Variants in HMCN2 observed in about 807,000 individuals in gnomAD.
The protein encoded by HMCN2 is hemicentin-2.
A neutral mutation model predicts 377.5 loss-of-function variants in HMCN2; 325 were observed. The ratio of observed to expected loss-of-function variants is 0.86; its 90% confidence interval spans 0.79 to 0.94. The LOEUF is 0.94. Among genes scored for constraint, HMCN2 ranks in the 40% least tolerant of loss-of-function variants. The pLI is 0.00. For missense variants in HMCN2, 4,543 were observed against 4,725.3 expected (o/e 0.96, Z 1.13); for synonymous variants, 2,007 against 2,046.8 (o/e 0.98, Z 0.53).
Position 130,368,265 on chromosome 9 carries a change from C to T in HMCN2, c.6626-11C>T, listed in dbSNP as rs1228424489. ...GCCCTGGACCAGGAGTTTCTTTTTT[C>T]CTGCACCCAGGTCAACCCCTCCCCG... On this transcript the variant is annotated splice_polypyrimidine_tract_variant and intron_variant, in intron 43 of 97. Transcript: ENST00000683500. The T allele has an allele frequency of 1.0e-6, 1 of 985,384 alleles. No homozygotes were observed. Among genetic ancestry groups the T allele is most frequent in the African/African-American group, 1.7e-5 (1 of 57,170 alleles). The allele number at this position is 985,384 out of a possible 1,614,324, so 61.0% of individuals were successfully genotyped here.
Position 130,307,444 on chromosome 9 carries a change from C to T in HMCN2, c.2087-9C>T. Reference sequence around the variant, plus strand: ...TTGGTCCCAAATTCTGCATCTCTTCCCCACACAGACCCACCGTCGGTCTCT... The same window carrying T: ...TTGGTCCCAAATTCTGCATCTCTTCTCCACACAGACCCACCGTCGGTCTCT... On this transcript the variant is annotated splice_polypyrimidine_tract_variant and intron_variant, in intron 13 of 97. Transcript: ENST00000683500. 2.1e-6 allele frequency: 1 copy of T among 470,888 alleles called. No individual in the cohort carries two copies. The allele number at this position is 470,888 out of a possible 1,614,324, so 29.2% of individuals were successfully genotyped here. A position where few individuals can be genotyped will look rare whatever the true frequency, so the allele number is the denominator to read the frequency against.
At chr9:130,271,763 G>C (rs1487893896) in intron 1 of HMCN2, among the ~76,000 whole-genome samples, 1 of 148,922 alleles carries the variant, frequency 6.7e-6, no homozygotes, top group Non-Finnish European at 1.5e-5. Context: ...TGTTGGTACT[G>C]AGGTGCTGTT....
rs372101522 is a variant in HMCN2, at chr9:130,358,413, C to T, written c.5604C>T (p.Asp1868=). The change falls in exon 36 of 98, where the codon GAC becomes GAT. Residue 1868 remains aspartate, a synonymous_variant. Coordinates refer to ENST00000683500, the MANE Select transcript of HMCN2 (RefSeq NM_001291815.2). ...NLQIEKVDLR[D]EGIYTCAATN... ...AGATTGAGAAGGTGGACCTGAGGGA[C>T]GAGGGCATCTACACTTGTGCTGCTA... 1.0e-5 allele frequency: 13 copies of T among 1,304,164 alleles called. No homozygotes were observed. Among genetic ancestry groups the T allele is most frequent in the East Asian group, 5.5e-5 (1 of 18,034 alleles). The allele number at this position is 1,304,164 out of a possible 1,614,324, so 80.8% of individuals were successfully genotyped here.
At chr9:130,332,097 C>T (rs1838461321) in intron 22 of HMCN2, among the ~76,000 whole-genome samples, 1 of 152,174 alleles carries the variant, frequency 6.6e-6, no homozygotes, top group Non-Finnish European at 1.5e-5. Context: ...TCACTGCTCT[C>T]TGCAAGCCAG....
intron 15 of HMCN2, among the ~76,000 whole-genome samples, chr9:130,313,666 C>T (rs1588226661): frequency 2.6e-5 from 4 of 151,868 alleles, no homozygotes; most frequent in South Asian, 2.1e-4. Flanking sequence ...TGGGGCGACT[C>T]GTCACATGGC....
At position 130,433,399 on chromosome 9, in the gene HMCN2, G is replaced by C. The variant is rs549817254; in HGVS notation, c.14946G>C (p.Thr4982=). Residue 4982 remains threonine (T), a synonymous_variant, in exon 98 of 98, where the codon ACG becomes ACC. Coordinates refer to ENST00000683500, the MANE Select transcript of HMCN2 (RefSeq NM_001291815.2). ...SQDCGTGGPS[T]LQYRLLPLPL... ...ACTGCGGCACGGGCGGCCCCTCTAC[G>C]CTGCAGTACCGGCTGCTGCCGCTGC... 5 of 1,489,316 alleles carry C rather than the reference G, an allele frequency of 3.4e-6. No homozygotes were observed. The highest frequency in any genetic ancestry group is 1.5e-5 in the African/African-American group (1 of 68,392). 92.3% of individuals were successfully genotyped at this position (1,489,316 alleles called of 1,614,324 possible). A position where few individuals can be genotyped will look rare whatever the true frequency, so the allele number is the denominator to read the frequency against.
At chr9:130,335,636 A>G (rs1452420714) in intron 22 of HMCN2, among the ~76,000 whole-genome samples, 4 of 152,034 alleles carry the variant, frequency 2.6e-5, no homozygotes, top group Non-Finnish European at 5.9e-5. Flanking sequence ...TCCATATACT[A>G]TGTCCTGGGC....
chr9:130,366,676 A>G (rs1840705641), intron 43 of HMCN2, among the ~76,000 whole-genome samples: 2 of 151,634 alleles, frequency 1.3e-5, no homozygotes, highest in South Asian at 4.2e-4. Context: ...CTGGTCTCGA[A>G]CTCCTGACCT....
In HMCN2 at chr9:130,430,450, A is replaced by G; in HGVS notation, c.14493A>G (p.Arg4831=). The G allele has an allele frequency of 6.4e-7, 1 of 1,550,548 alleles. No homozygotes were observed. Among genetic ancestry groups the G allele is most frequent in the Admixed American group, 2.0e-5 (1 of 51,002 alleles). The change falls in exon 95 of 98, where the codon CGA becomes CGG. Residue 4831 remains arginine (R), a synonymous_variant. Transcript: ENST00000683500. ...NGQNVTTVSH[R]GPLLPWLRPW... ...AAAATGTGACCACCGTCAGCCACCG[A>G]GGCCCTCTATTGCCCTGGCTGCGGC...
Position 130,427,324 on chromosome 9 carries a change from G to T in HMCN2, c.13891G>T (p.Val4631Phe), listed in dbSNP as rs962387878. ...TCTTTGCTTTGCAGAGGAGAACGAGGTCGGCTGCCCCGAGGGCTTTGAGCT... is the reference window on the plus strand; with the variant it reads ...TCTTTGCTTTGCAGAGGAGAACGAGTTCGGCTGCCCCGAGGGCTTTGAGCT... ...ATALQAEENE[V>F]GCPEGFELDS... The change falls in exon 91 of 98, where the codon GTC (valine) becomes TTC (phenylalanine). Residue 4631 changes from valine to phenylalanine, a missense_variant. By Grantham distance (50) the Val-to-Phe change is conservative. Around this residue, in one of 5 missense-constraint regions of HMCN2, gnomAD observed 1,155 missense variants for 1,157.7 expected, o/e 1.00. Coordinates refer to ENST00000683500, the MANE Select transcript of HMCN2 (RefSeq NM_001291815.2). The T allele has an allele frequency of 1.9e-6, 3 of 1,550,458 alleles. No individual in the cohort carries two copies. In the African/African-American group the frequency reaches 4.1e-5, roughly 21 times the overall value.
At chr9:130,355,267 T>C (rs1053055239) in intron 32 of HMCN2, among the ~76,000 whole-genome samples, 2 of 152,180 alleles carry the variant, frequency 1.3e-5, no homozygotes, top group Non-Finnish European at 2.9e-5. Flanking sequence ...GGTCCCTGAC[T>C]GTGCCCAGGA....
intron 89 of HMCN2, 23 bp downstream of exon 89, chr9:130,425,153 G>A (rs1345784694): frequency 2.9e-5 from 44 of 1,530,844 alleles, no homozygotes; most frequent in Non-Finnish European, 3.9e-5. Flanking sequence ...GCCCTGGGGT[G>A]TGCAGACAGG....
rs748612969 is a variant in HMCN2 at position 130,433,561 on chromosome 9, G to A, written c.15108G>A (p.Ala5036=). ...RSPFALRPLR[A]GLGAVYTRRA... ...CCTTCGCGCTGCGTCCGCTGCGCGC[G>A]GGCCTTGGCGCGGTCTACACCCGTC... The change falls in exon 98 of 98, where the codon GCG becomes GCA. Residue 5036 remains alanine (A), a synonymous_variant. Transcript: ENST00000683500. 2.7e-6 allele frequency: 4 copies of A among 1,472,992 alleles called. No homozygotes were observed. Among genetic ancestry groups the A allele is most frequent in the Middle Eastern group, 1.7e-4 (1 of 5,772 alleles). The allele number at this position is 1,472,992 out of a possible 1,614,324, so 91.2% of individuals were successfully genotyped here. A position where few individuals can be genotyped will look rare whatever the true frequency, so the allele number is the denominator to read the frequency against.
Position 130,428,246 on chromosome 9 carries a change from T to C in HMCN2, c.14066-112T>C. On this transcript the variant is annotated intron_variant, in intron 92 of 97. Coordinates refer to ENST00000683500, the MANE Select transcript of HMCN2 (RefSeq NM_001291815.2). This position sits in a 1 kb window ranked among gnomAD's most constrained non-coding sequence, Gnocchi z 5.0. ...GAAGGGGTGGGGACCTTCCTGCCAG[T>C]GGCTCCTGGGCCTGCGGACGAAGCC... 1 of 1,283,820 alleles carries C rather than the reference T, an allele frequency of 7.8e-7. No individual in the cohort carries two copies. Among genetic ancestry groups the C allele is most frequent in the Non-Finnish European group, 1.0e-6 (1 of 967,252 alleles). The allele number at this position is 1,283,820 out of a possible 1,614,324, so 79.5% of individuals were successfully genotyped here.
At chr9:130,400,089 C>T (rs1488203643) in intron 76 of HMCN2, among the ~76,000 whole-genome samples, 2 of 152,182 alleles carry the variant, frequency 1.3e-5, no homozygotes, top group African/African-American at 4.8e-5. Flanking sequence ...CACGCTGTTG[C>T]CTTTGCCGGG....
At chr9:130,400,426 A>AC (rs1451865284) in intron 76 of HMCN2, 1 of 164,248 alleles carries the variant, frequency 6.1e-6, no homozygotes, top group Non-Finnish European at 1.3e-5. Context: ...GCGGGGGACC[A>AC]CCAGGCTGCC....
In HMCN2 at chr9:130,357,879, C is replaced by A. The variant is rs143320576; in HGVS notation, c.5471C>A (p.Pro1824His). The A allele has an allele frequency of 7.7e-5, 101 of 1,304,182 alleles. 2 individuals are homozygous for A. The African/African-American group carries it at 1.2e-3, about 16-fold the overall frequency. 80.8% of individuals were successfully genotyped at this position (1,304,182 alleles called of 1,614,324 possible). The change falls in exon 35 of 98, where the codon CCT becomes CAT. Residue 1824 changes from proline (P) to histidine (H), a missense_variant. Transcript: ENST00000683500. ...ATTGGGGGTGAGAACATCACAGCTC[C>A]TTTCCTGCAGCCTGTGACCCTCCAG... ...SIIGGENITA[P>H]FLQPVTLQCI...
chr9:130,429,424 A>G (rs1263988053), intron 93 of HMCN2, 133 bp from the exon 94 acceptor site: 2 of 1,160,612 alleles, frequency 1.7e-6, no homozygotes, highest in Admixed American at 2.4e-5. Flanking sequence ...GAGGGCGGCC[A>G]TGCAGCCTGG....
At position 130,302,878 on chromosome 9, in the gene HMCN2, C is replaced by A. The variant is rs544969070; in HGVS notation, c.1298C>A (p.Ala433Asp). The change falls in exon 9 of 98, where the codon GCC becomes GAC. Residue 433 changes from alanine to aspartate, a missense_variant. By Grantham distance (126) the Ala-to-Asp change is moderately radical. Transcript: ENST00000683500. The part of the protein sequence containing the change: ...VAPGAPLVSM[A>D]PRIHGYLHQP... ...ACAGGCGCTCCCCTCGTCAGCATGG[C>A]CCCCAGGATCCATGGCTACCTGCAC... 5 of 467,648 alleles carry A rather than the reference C, an allele frequency of 1.1e-5. No individual in the cohort carries two copies. The highest frequency in any genetic ancestry group is 2.0e-5 in the African/African-American group (1 of 50,148). The allele number at this position is 467,648 out of a possible 1,614,324, so 29.0% of individuals were successfully genotyped here.
Sources: allele counts gnomAD v4.1 joint callset (sites outside exome capture counted in the v4.1 genomes callset), GRCh38; gene constraint gnomAD v4.1.1; regional missense constraint gnomAD v4.1.1; non-coding constraint Gnocchi (gnomAD v3.1); transcripts MANE v1.5; gene names NCBI Gene and HGNC (gene_info 2026-07-23, HGNC 2026-07-21).